Variants in MGMT observed in about 807,000 individuals in gnomAD.
MGMT encodes the protein O-6-methylguanine-DNA methyltransferase, also known as methylated-DNA--protein-cysteine methyltransferase.
In MGMT, 14 loss-of-function variants were observed where a neutral mutation model predicts 15.9. The observed-to-expected ratio is 0.88, with a 90% CI of 0.58 to 1.37. The LOEUF (loss-of-function observed/expected upper bound fraction) is 1.37, where lower values mean the gene tolerates loss of function less well. Ranked by LOEUF, MGMT falls within the 40% of genes most tolerant of loss-of-function variation. The probability of loss-of-function intolerance (pLI) is 0.00; values close to 1 mark genes in which losing one functional copy is unlikely to be tolerated. For synonymous variants in MGMT, 130 were observed against 118.2 expected (o/e 1.10, Z -0.65); for missense variants, 282 against 268.1 (o/e 1.05, Z -0.36).
chr10:129,536,168 A>C lies in MGMT; in HGVS notation c.-12-73A>C, dbSNP rs1845981155. 7 of 1,493,712 alleles carry C rather than the reference A, an allele frequency of 4.7e-6. No homozygotes were observed. In the South Asian group the frequency reaches 8.5e-5, roughly 18 times the overall value. The allele number at this position is 1,493,712 out of a possible 1,614,324, so 92.5% of individuals were successfully genotyped here. Reference sequence around the variant, plus strand: ...ATATTTTGTGTCTTAAATAACCAGTACTTCTGTTGTGTGTTTTATATACGA... The same window carrying C: ...ATATTTTGTGTCTTAAATAACCAGTCCTTCTGTTGTGTGTTTTATATACGA... On this transcript the variant is annotated intron_variant, in intron 1 of 4. Transcript: ENST00000651593.
At chr10:129,631,390 C>A (rs1462571625) in intron 2 of MGMT, among the ~76,000 whole-genome samples, 2 of 152,136 alleles carry the variant, frequency 1.3e-5, no homozygotes, top group Admixed American at 1.3e-4. Flanking sequence ...AGGACTCTTA[C>A]AATGTAAACT....
intron 3 of MGMT, among the ~76,000 whole-genome samples, chr10:129,737,246 C>G (rs1848574216): frequency 6.6e-6 from 1 of 152,204 alleles, no homozygotes; most frequent in Non-Finnish European, 1.5e-5. Context: ...TTCTTGGAGG[C>G]TGTGCGCGTT....
chr10:129,485,091 C>G (rs1845395187), intron 1 of MGMT, among the ~76,000 whole-genome samples: 1 of 152,028 alleles, frequency 6.6e-6, no homozygotes, highest in South Asian at 2.1e-4. Flanking sequence ...ATGAAATATT[C>G]CCAGCTCTGT....
chr10:129,638,446 G>GAAAAAAAAAAAA (rs1157292152), intron 2 of MGMT, among the ~76,000 whole-genome samples: 1 of 96,318 alleles, frequency 1.0e-5, no homozygotes, highest in Non-Finnish European at 2.1e-5. Context: ...AAAAAAAAAA[G>GAAAAAAAAAAAA]AAAAAAAAAA....
chr10:129,740,972 A>G (rs969484440), intron 3 of MGMT, among the ~76,000 whole-genome samples: 11 of 152,162 alleles, frequency 7.2e-5, no homozygotes, highest in African/African-American at 2.7e-4. Flanking sequence ...CCGTTTCCCT[A>G]ACGTTGCTCA....
At chr10:129,553,788 TTGCC>T (rs907820119) in intron 2 of MGMT, among the ~76,000 whole-genome samples, 3 of 152,166 alleles carry the variant, frequency 2.0e-5, no homozygotes, top group Non-Finnish European at 4.4e-5. Context: ...AGGGGTCTTG[TTGCC>T]TGCCTGCCCC....
At chr10:129,620,053 G>A (rs1349967165) in intron 2 of MGMT, among the ~76,000 whole-genome samples, 1 of 152,164 alleles carries the variant, frequency 6.6e-6, no homozygotes, top group Non-Finnish European at 1.5e-5. Context: ...ACAGACCCCA[G>A]GCTGTGTGTC....
At chr10:129,603,776 A>G (rs1360469134) in intron 2 of MGMT, among the ~76,000 whole-genome samples, 6 of 152,240 alleles carry the variant, frequency 3.9e-5, no homozygotes, top group Non-Finnish European at 2.9e-5. Context: ...TACACTGTGA[A>G]GAATAAAACT....
chr10:129,741,091 C>T (rs914646258), intron 3 of MGMT, among the ~76,000 whole-genome samples: 1 of 152,122 alleles, frequency 6.6e-6, no homozygotes. Flanking sequence ...ATGGCGGGCA[C>T]TCTGGAATGC....
At chr10:129,762,232 T>C (rs1848882435) in intron 4 of MGMT, among the ~76,000 whole-genome samples, 2 of 152,170 alleles carry the variant, frequency 1.3e-5, no homozygotes, top group Non-Finnish European at 2.9e-5. Flanking sequence ...TCAGGATGAA[T>C]AGAGTGATTG....
At chr10:129,496,962 G>A (rs1845527976) in intron 1 of MGMT, among the ~76,000 whole-genome samples, 1 of 151,984 alleles carries the variant, frequency 6.6e-6, no homozygotes, top group Non-Finnish European at 1.5e-5. Context: ...CAAAGTGCTG[G>A]GGTTACAGGC....
chr10:129,557,257 C>T (rs190296270), intron 2 of MGMT, among the ~76,000 whole-genome samples: 1 of 152,162 alleles, frequency 6.6e-6, no homozygotes, highest in Non-Finnish European at 1.5e-5. Flanking sequence ...GTATCTTGGT[C>T]TTCTCCTAGC....
chr10:129,680,766 G>A lies in MGMT; in HGVS notation c.126-27129G>A, dbSNP rs375388490. Among the ~76,000 whole-genome samples, 10 of 152,320 alleles carry A rather than the reference G, an allele frequency of 6.6e-5. No homozygotes were observed. In the South Asian group the frequency reaches 1.2e-3, roughly 19 times the overall value. ...GACCCTCCTTTGCCCCCGTGGGGAC[G>A]TGGCTGCTGCTTCCCCCGTGTGCCT... On this transcript the variant is annotated intron_variant, in intron 2 of 4. Transcript: ENST00000651593.
chr10:129,751,969 A>G (rs1370497542), intron 3 of MGMT, among the ~76,000 whole-genome samples: 3 of 152,004 alleles, frequency 2.0e-5, no homozygotes, highest in African/African-American at 4.8e-5. Flanking sequence ...TGAAAAGAGT[A>G]TAGATTCTAC....
At chr10:129,503,273 A>G (rs1014163335) in intron 1 of MGMT, among the ~76,000 whole-genome samples, 3 of 152,210 alleles carry the variant, frequency 2.0e-5, no homozygotes, top group Non-Finnish European at 4.4e-5. Context: ...GATTTATCCA[A>G]TGTCCCTGCC....
chr10:129,642,770 G>A (rs112420314), intron 2 of MGMT, among the ~76,000 whole-genome samples: 7,301 of 152,170 alleles, frequency 0.048, 216 homozygotes, highest in Middle Eastern at 0.088. Context: ...AGTAACTCCT[G>A]AAAGTAATCA....
chr10:129,691,438 C>T (rs1417331020), intron 2 of MGMT, among the ~76,000 whole-genome samples: 2 of 152,226 alleles, frequency 1.3e-5, no homozygotes, highest in Non-Finnish European at 2.9e-5. Context: ...CCTGAAGCAG[C>T]GTGTGCACCT....
intron 3 of MGMT, among the ~76,000 whole-genome samples, chr10:129,730,461 G>A (rs1472839993): frequency 6.6e-6 from 1 of 152,202 alleles, no homozygotes; most frequent in Non-Finnish European, 1.5e-5. Context: ...CTGCAGAGGA[G>A]GCTGGGGAGG....
At chr10:129,713,773 GC>G (rs1447906052) in intron 3 of MGMT, among the ~76,000 whole-genome samples, 1 of 152,150 alleles carries the variant, frequency 6.6e-6, no homozygotes. Context: ...ACTTACACCA[GC>G]CCTGCCTCCC....
Sources: gnomAD v4.1 joint callset for allele counts (sites outside exome capture counted in the v4.1 genomes callset) on GRCh38, gnomAD v4.1.1 for gene constraint, MANE v1.5 for transcripts, NCBI Gene and HGNC (gene_info 2026-07-23, HGNC 2026-07-21) for gene names.